Variants in PCBP2 observed in about 807,000 individuals in gnomAD.
The protein encoded by PCBP2 is poly(rC) binding protein 2.
PCBP2 carries 4 observed loss-of-function variants against 50.1 expected under a neutral mutation model. That is an observed-to-expected ratio of 0.08 (90% CI 0.04 to 0.18). The LOEUF (loss-of-function observed/expected upper bound fraction) is 0.18. Among genes scored for constraint, PCBP2 ranks in the 10% least tolerant of loss-of-function variants. The probability of loss-of-function intolerance (pLI) is 1.00; values close to 1 mark genes in which losing one functional copy is unlikely to be tolerated. For missense variants in PCBP2, 161 were observed against 474.3 expected, an observed-to-expected ratio of 0.34 and a Z score of 6.14; for synonymous variants, 179 against 168.0, an observed-to-expected ratio of 1.07 and a Z score of -0.51.
At chr12:53,458,643 A>AT (rs3049328) in intron 5 of PCBP2, among the ~76,000 whole-genome samples, 1,280 of 123,306 alleles carry the variant, frequency 0.01, 9 homozygotes, top group African/African-American at 0.023. Context: ...ATTTGACTTA[A>AT]TTTTTTTTTT....
At chr12:53,464,311 A>G (rs894742998) in intron 8 of PCBP2, among the ~76,000 whole-genome samples, 1 of 41,104 alleles carries the variant, frequency 2.4e-5, no homozygotes, top group African/African-American at 9.8e-5. Flanking sequence ...TTCCCTACCC[A>G]CCCTCCCTCC....
intron 14 of PCBP2, among the ~76,000 whole-genome samples, chr12:53,472,753 A>G (rs969491939): frequency 6.6e-6 from 1 of 152,176 alleles, no homozygotes; most frequent in Non-Finnish European, 1.5e-5. Flanking sequence ...CCATGTATAT[A>G]TGCTATGGTT....
chr12:53,458,702 C>T (rs1045484846), intron 5 of PCBP2, among the ~76,000 whole-genome samples: 1 of 151,470 alleles, frequency 6.6e-6, no homozygotes, highest in Admixed American at 6.6e-5. Context: ...TGCAGTGGCA[C>T]GATCTTGGCT....
rs1215218215 is a variant in PCBP2, at chr12:53,480,108, G to A, written c.*666G>A. The A allele has an allele frequency of 6.6e-6, 1 of 152,078 alleles. No individual in the cohort carries two copies. The highest frequency in any genetic ancestry group is 1.5e-5 in the Non-Finnish European group (1 of 68,030). The allele number at this position is 152,078 out of a possible 1,614,324, so 9.4% of individuals were successfully genotyped here. ...GTAGGCAAGCACTTCCACTAGGGAGGGGGTGGGGGAAAGGAATGACACATG... is the reference window on the plus strand; with the variant it reads ...GTAGGCAAGCACTTCCACTAGGGAGAGGGTGGGGGAAAGGAATGACACATG... On this transcript the variant is annotated 3_prime_UTR_variant, in exon 15 of 15. Coordinates refer to ENST00000546463, the MANE Select transcript of PCBP2 (RefSeq NM_031989.5).
chr12:53,464,664 G>T (rs1941697190), intron 8 of PCBP2, 96 bp from the exon 9 acceptor site: 1 of 1,506,632 alleles, frequency 6.6e-7, no homozygotes, highest in Non-Finnish European at 8.9e-7. Context: ...AAGGAAAAAG[G>T]AAAAAAATAA....
rs1334281674 is a variant in PCBP2 at position 53,480,494 on chromosome 12, G to T, written c.*1052G>T. The T allele has an allele frequency of 1.3e-5, 2 of 152,438 alleles. No homozygotes were observed. The highest frequency in any genetic ancestry group is 4.8e-5 in the African/African-American group (2 of 41,374). 9.4% of individuals were successfully genotyped at this position (152,438 alleles called of 1,614,324 possible). ...TCATCAAGAAAACCCTCAACAGCTG[G>T]GCCTGCATGGAGTGTTATATTTCAA... On this transcript the variant is annotated 3_prime_UTR_variant, in exon 15 of 15. Coordinates refer to ENST00000546463, the MANE Select transcript of PCBP2 (RefSeq NM_031989.5).
At chr12:53,470,810 G>C (rs543539490) in intron 13 of PCBP2, among the ~76,000 whole-genome samples, 1 of 150,402 alleles carries the variant, frequency 6.6e-6, no homozygotes, top group African/African-American at 2.4e-5. Context: ...TTAGGAATTG[G>C]CCAGAATTCT....
intron 14 of PCBP2, 63 bp from the exon 15 acceptor site, chr12:53,479,343 G>A: frequency 1.4e-6 from 2 of 1,395,246 alleles, no homozygotes; most frequent in Non-Finnish European, 1.0e-6. Flanking sequence ...TCATGAACCA[G>A]GTAGAGATGA....
chr12:53,454,071 G>T (rs1328804344), intron 1 of PCBP2, among the ~76,000 whole-genome samples: 2 of 152,188 alleles, frequency 1.3e-5, no homozygotes, highest in Admixed American at 6.5e-5. Flanking sequence ...AGGAGAAAAA[G>T]ACTCAAGTGT....
rs756803745 is a variant in PCBP2 at position 53,471,632 on chromosome 12, C to T, written c.883-6C>T. On this transcript the variant is annotated splice_region_variant and splice_polypyrimidine_tract_variant and intron_variant, in intron 13 of 14. Coordinates refer to ENST00000546463, the MANE Select transcript of PCBP2 (RefSeq NM_031989.5). ...CGGTGTGCCTTGTTTTTCTTTCTCCCTTAAGTTGATTGGCTGCATAATCGG... is the reference window on the plus strand; with the variant it reads ...CGGTGTGCCTTGTTTTTCTTTCTCCTTTAAGTTGATTGGCTGCATAATCGG... 20 of 1,608,810 alleles carry T rather than the reference C, an allele frequency of 1.2e-5. No homozygotes were observed. Among genetic ancestry groups the T allele is most frequent in the Admixed American group, 1.7e-5 (1 of 59,076 alleles).
intron 14 of PCBP2, 90 bp downstream of exon 14, chr12:53,471,897 T>C: frequency 4.7e-6 from 5 of 1,062,038 alleles, no homozygotes; most frequent in South Asian, 1.9e-5. Flanking sequence ...TGGGATTACA[T>C]GGGCGATGGG....
chr12:53,454,600 A>C (rs116385423), intron 1 of PCBP2, 126 bp from the exon 2 acceptor site: 1 of 586,586 alleles, frequency 1.7e-6, no homozygotes, highest in East Asian at 3.0e-5. Flanking sequence ...TGGTGTGTAT[A>C]TAAGTCTGAC....
chr12:53,470,759 T>G (rs1488089618), intron 13 of PCBP2, among the ~76,000 whole-genome samples: 2 of 150,966 alleles, frequency 1.3e-5, no homozygotes, highest in African/African-American at 2.4e-5. Flanking sequence ...TTAACCAGTT[T>G]TTTTTTTTTT....
At chr12:53,468,489 A>C (rs920018182) in intron 12 of PCBP2, 1 of 431,762 alleles carries the variant, frequency 2.3e-6, no homozygotes, top group Non-Finnish European at 4.2e-6. Context: ...CTTTTTGAGG[A>C]TACCACACTC....
In PCBP2 at chr12:53,467,300, A is replaced by G; in HGVS notation, c.787+7A>G. On this transcript the variant is annotated splice_region_variant and intron_variant, in intron 11 of 14. Coordinates refer to ENST00000546463, the MANE Select transcript of PCBP2 (RefSeq NM_031989.5). ...GGCAACACCGGATTCAGTGGTATGG[A>G]TACCTCAGTGTTTATTTCTGTAAGG... The G allele has an allele frequency of 6.2e-7, 1 of 1,607,218 alleles. No homozygotes were observed. The highest frequency in any genetic ancestry group is 8.5e-7 in the Non-Finnish European group (1 of 1,173,674).
rs778160726 is a variant in PCBP2 at position 53,455,983 on chromosome 12, C to A, written c.225C>A (p.Ile75=). The change falls in exon 5 of 15, where the codon ATC becomes ATA. Residue 75 remains isoleucine (I), a synonymous_variant. Transcript: ENST00000546463. ...TNAIFKAFAM[I]IDKLEEDISS... is the part of the protein sequence containing the mutation. ...CCATCTTCAAAGCCTTTGCTATGAT[C>A]ATTGACAAACTGGAAGAGGTTTGTT... The A allele has an allele frequency of 6.2e-7, 1 of 1,604,684 alleles. No individual in the cohort carries two copies. The highest frequency in any genetic ancestry group is 1.1e-5 in the South Asian group (1 of 90,862).
intron 2 of PCBP2, 32 bp from the exon 3 acceptor site, chr12:53,455,315 C>T (rs759294611): frequency 8.7e-6 from 14 of 1,600,726 alleles, no homozygotes; most frequent in Non-Finnish European, 1.2e-5. Context: ...TTCTGAGTTT[C>T]CTCTTACTGA....
At chr12:53,453,375 T>A (rs931158277) in intron 1 of PCBP2, 1 of 152,208 alleles carries the variant, frequency 6.6e-6, no homozygotes, top group Non-Finnish European at 1.5e-5. Flanking sequence ...CACCAAGCAC[T>A]ATTTTTCCAT....
At chr12:53,477,064 T>C (rs1187108884) in intron 14 of PCBP2, among the ~76,000 whole-genome samples, 1 of 152,162 alleles carries the variant, frequency 6.6e-6, no homozygotes, top group South Asian at 2.1e-4. Flanking sequence ...ATGTGGTCTT[T>C]TATCCTAGAG....
Sources: allele counts gnomAD v4.1 joint callset (sites outside exome capture counted in the v4.1 genomes callset), GRCh38; gene constraint gnomAD v4.1.1; transcripts MANE v1.5; gene names NCBI Gene and HGNC (gene_info 2026-07-23, HGNC 2026-07-21).